Variants in SIM1 observed in about 807,000 individuals in gnomAD.
The protein encoded by SIM1 is SIM bHLH transcription factor 1, also known as single-minded homolog 1.
In SIM1, 18 loss-of-function variants were observed where a neutral mutation model predicts 78.2. The ratio of observed to expected loss-of-function variants is 0.23; its 90% CI spans 0.16 to 0.34. The LOEUF is 0.34. Among genes scored for constraint, SIM1 ranks in the 10% least tolerant of loss-of-function variants. SIM1 has a pLI of 1.00. For missense variants in SIM1, 939 were observed against 975.1 expected, an observed-to-expected ratio of 0.96 and a Z score of 0.49; for synonymous variants, 417 against 385.2, an observed-to-expected ratio of 1.08 and a Z score of -0.97.
chr6:100,411,064 A>C (rs1052952815), intron 10 of SIM1, among the ~76,000 whole-genome samples: 1 of 152,248 alleles, frequency 6.6e-6, no homozygotes, highest in Non-Finnish European at 1.5e-5. Context: ...CAAAAAATGT[A>C]TATAAACTAT....
chr6:100,434,784 C>G (rs1024123040), intron 9 of SIM1, among the ~76,000 whole-genome samples: 1 of 152,118 alleles, frequency 6.6e-6, no homozygotes, highest in African/African-American at 2.4e-5. Context: ...ATTATGATAT[C>G]CAGTTCAATA....
At chr6:100,461,841 CTTTTTT>C (rs10522700) in intron 2 of SIM1, among the ~76,000 whole-genome samples, 1 of 113,354 alleles carries the variant, frequency 8.8e-6, no homozygotes, top group Non-Finnish European at 1.8e-5. Context: ...TTCTTTCTTT[CTTTTTT>C]TTTTTTTTTT....
rs968838362 is a variant in SIM1 at position 100,420,798 on chromosome 6, A to G, written c.1159T>C (p.Tyr387His). The change falls in exon 10 of 12, where the codon TAC becomes CAC. Residue 387 changes from tyrosine to histidine, a missense_variant. Physicochemically the swap from Tyr to His is moderately conservative, Grantham distance 83 (BLOSUM62 2). This residue lies in a region of SIM1 where 556 missense variants were observed against 521.9 expected (regional missense o/e 1.07). Transcript: ENST00000369208. ...AACAGCAATGCACTTACCTGAGGGT[A>G]TGGGGAAGTCCTGGATTTTGACTTT... is the stretch of plus-strand genomic sequence containing the variant. Reference protein sequence around the residue: ...SSKSKSRTSPYPQYSGFHTER... With the variant: ...SSKSKSRTSPHPQYSGFHTER... The G allele has an allele frequency of 6.2e-7, 1 of 1,614,114 alleles. No individual in the cohort carries two copies. The highest frequency in any genetic ancestry group is 8.5e-7 in the Non-Finnish European group (1 of 1,179,964).
At chr6:100,464,471 A>T (rs1163433920) in intron 1 of SIM1, 143 bp downstream of exon 1, 1 of 152,216 alleles carries the variant, frequency 6.6e-6, no homozygotes, top group Non-Finnish European at 1.5e-5. Flanking sequence ...AGCGGGGCCC[A>T]GCAGCGCCAG....
At position 100,393,787 on chromosome 6, in the gene SIM1, C is replaced by A. The variant is rs763972030; in HGVS notation, c.1270G>T (p.Asp424Tyr). The change falls in exon 11 of 12, where the codon GAT (aspartate) becomes TAT (tyrosine). Residue 424 changes from aspartate (D) to tyrosine (Y), a missense_variant. Physicochemically the swap from Asp to Tyr is radical, Grantham distance 160. This residue lies in a region of SIM1 where 556 missense variants were observed against 521.9 expected (regional missense o/e 1.07). Transcript: ENST00000369208. The part of the protein sequence containing the change: ...TASPQLLDPA[D>Y]RPGSQHDASC... ...GCGTCGTGCTGGGAGCCAGGCCTAT[C>A]GGCGGGGTCCAGAAGCTGCGGAGAG... 2 of 1,614,048 alleles carry A rather than the reference C, an allele frequency of 1.2e-6. No individual in the cohort carries two copies. Among genetic ancestry groups the A allele is most frequent in the African/African-American group, 2.7e-5 (2 of 75,062 alleles).
At chr6:100,406,768 C>T (rs564273313) in intron 10 of SIM1, among the ~76,000 whole-genome samples, 4 of 152,150 alleles carry the variant, frequency 2.6e-5, no homozygotes, top group Non-Finnish European at 5.9e-5. Flanking sequence ...ATACATTGTG[C>T]AATGAATACC....
chr6:100,429,613 A>G (rs1372422139), intron 9 of SIM1, among the ~76,000 whole-genome samples: 1 of 152,218 alleles, frequency 6.6e-6, no homozygotes. Flanking sequence ...AGAGATAATA[A>G]ACTAAAACAT....
chr6:100,424,602 A>AT (rs997988268), intron 9 of SIM1, among the ~76,000 whole-genome samples: 166 of 145,616 alleles, frequency 1.1e-3, no homozygotes, highest in East Asian at 1.4e-3. Context: ...TGCTCAACTG[A>AT]TTTTTTTTTT....
intron 10 of SIM1, among the ~76,000 whole-genome samples, chr6:100,400,817 G>A (rs1239673231): frequency 1.3e-5 from 2 of 152,054 alleles, no homozygotes; most frequent in African/African-American, 4.8e-5. Context: ...TGAATATGGA[G>A]GGAGTAGTTG....
rs1421452803 is a variant in SIM1 at position 100,450,696 on chromosome 6, T to TCTCACACA, written c.259-341_259-340insTGTGTGAG. ...CTCTCTCTCTCTCTCTCTCTCTCTC[T>TCTCACACA]CACACACACACACACACACACACAC... On this transcript the variant is annotated intron_variant, in intron 3 of 11. Coordinates refer to ENST00000369208, the MANE Select transcript of SIM1 (RefSeq NM_005068.3). Among the ~76,000 whole-genome samples the TCTCACACA allele has an allele frequency of 3.8e-3, 345 of 91,922 alleles. 1 individual carries two copies. Among genetic ancestry groups the TCTCACACA allele is most frequent in the East Asian group, 5.7e-3 (16 of 2,790 alleles). The allele number at this position is 91,922 out of a possible 152,430, so 60.3% of individuals were successfully genotyped here. A position where few individuals can be genotyped will look rare whatever the true frequency, so the allele number is the denominator to read the frequency against.
intron 2 of SIM1, among the ~76,000 whole-genome samples, chr6:100,460,494 A>T (rs1370832443): frequency 6.6e-6 from 1 of 152,236 alleles, no homozygotes; most frequent in Admixed American, 6.5e-5. Context: ...TACCTTATAA[A>T]ATCCATATAT....
intron 10 of SIM1, among the ~76,000 whole-genome samples, chr6:100,400,353 G>T (rs1770882273): frequency 6.6e-6 from 1 of 151,522 alleles, no homozygotes; most frequent in Non-Finnish European, 1.5e-5. Context: ...GCAAATATTA[G>T]GTCACAAAGA....
At chr6:100,439,021 T>G (rs899687462) in intron 9 of SIM1, among the ~76,000 whole-genome samples, 3 of 152,014 alleles carry the variant, frequency 2.0e-5, no homozygotes, top group African/African-American at 7.2e-5. Context: ...CCTGCTTGGG[T>G]GATAGGTGCA....
At chr6:100,422,557 T>C (rs1461882935) in intron 9 of SIM1, among the ~76,000 whole-genome samples, 1 of 152,206 alleles carries the variant, frequency 6.6e-6, no homozygotes, top group Non-Finnish European at 1.5e-5. Context: ...GCACATTCCA[T>C]GGATCAGCAA....
chr6:100,435,156 A>C lies in SIM1; in HGVS notation c.998+12112T>G, dbSNP rs544251466. Among the ~76,000 whole-genome samples, 5 of 152,302 alleles carry C rather than the reference A, an allele frequency of 3.3e-5. No homozygotes were observed. The South Asian group carries it at 1.0e-3, about 32-fold the overall frequency. ...AGGTCCCAAGTATACCCAAACTCTGAAGAAACTGAGTCACTTTGTGGAGAC... is the reference window on the plus strand; with the variant it reads ...AGGTCCCAAGTATACCCAAACTCTGCAGAAACTGAGTCACTTTGTGGAGAC... On this transcript the variant is annotated intron_variant, in intron 9 of 11. Transcript: ENST00000369208.
intron 9 of SIM1, among the ~76,000 whole-genome samples, chr6:100,421,492 G>A (rs768935157): frequency 3.9e-5 from 6 of 151,994 alleles, no homozygotes; most frequent in Non-Finnish European, 7.4e-5. Context: ...CCATTCCTTC[G>A]TTTATTCAAT....
intron 3 of SIM1, 72 bp from the exon 4 acceptor site, chr6:100,450,428 A>C: frequency 7.2e-7 from 1 of 1,393,798 alleles, no homozygotes; most frequent in Non-Finnish European, 1.0e-6. Context: ...GGAGGACAGA[A>C]GTTAGTGACT....
At chr6:100,414,867 T>C (rs1771359026) in intron 10 of SIM1, among the ~76,000 whole-genome samples, 2 of 152,348 alleles carry the variant, frequency 1.3e-5, no homozygotes. Flanking sequence ...AGTTTCTACC[T>C]TCACCAAAAG....
At position 100,389,946 on chromosome 6, in the gene SIM1, A is replaced by C. The variant is rs191641411; in HGVS notation, c.*415T>G. 1.3e-5 allele frequency: 5 copies of C among 392,196 alleles called. No individual in the cohort carries two copies. Among genetic ancestry groups the C allele is most frequent in the Non-Finnish European group, 2.2e-5 (5 of 222,350 alleles). The allele number at this position is 392,196 out of a possible 1,614,324, so 24.3% of individuals were successfully genotyped here. On this transcript the variant is annotated 3_prime_UTR_variant, in exon 12 of 12. Coordinates refer to ENST00000369208, the MANE Select transcript of SIM1 (RefSeq NM_005068.3). ...AAAATTACCCATTTTTGATGTATTT[A>C]CATTACATAGCCTATATTTCCATAT...
Sources: gnomAD v4.1 joint callset for allele counts (sites outside exome capture counted in the v4.1 genomes callset) on GRCh38, gnomAD v4.1.1 for gene constraint, gnomAD v4.1.1 regional missense constraint, MANE v1.5 for transcripts, NCBI Gene and HGNC (gene_info 2026-07-23, HGNC 2026-07-21) for gene names.